Variants in CFAP96 observed in about 807,000 individuals in gnomAD.
CFAP96 encodes the protein cilia and flagella associated protein 96.
the CFAP96 span, chr4:185,444,845 TATC>T: frequency 1.2e-6 from 1 of 856,254 alleles, no homozygotes; most frequent in East Asian, 2.7e-5. Flanking sequence ...AATTAAACAG[TATC>T]ATTTTCTTTA....
At chr4:185,424,701 T>TA in the CFAP96 span, among the ~76,000 whole-genome samples, 5 of 152,120 alleles carry the variant, frequency 3.3e-5, no homozygotes, top group African/African-American at 4.8e-5. Flanking sequence ...CCCATTTAAA[T>TA]AAAAAATATT....
At chr4:185,415,635 C>A in the CFAP96 span, 1 of 1,332,430 alleles carries the variant, frequency 7.5e-7, no homozygotes, top group Non-Finnish European at 1.0e-6. Flanking sequence ...TTAGGTATAC[C>A]TACAGGATAT....
chr4:185,426,219 A>G, the CFAP96 span: 4 of 322,114 alleles, frequency 1.2e-5, no homozygotes, highest in Non-Finnish European at 2.4e-5. Context: ...GGGGCAACAC[A>G]TCACACAATA....
At chr4:185,425,921 G>C in the CFAP96 span, 33 of 1,567,786 alleles carry the variant, frequency 2.1e-5, no homozygotes, top group Non-Finnish European at 2.6e-5. Context: ...AAGTTCCGGG[G>C]GCCGGCCCTG....
chr4:185,415,984 C>G, the CFAP96 span: 1 of 794,942 alleles, frequency 1.3e-6, no homozygotes, highest in Non-Finnish European at 1.9e-6. Context: ...TAAGACTAGC[C>G]AAGTACAGTA....
At chr4:185,428,043 G>A in the CFAP96 span, among the ~76,000 whole-genome samples, 3 of 150,776 alleles carry the variant, frequency 2.0e-5, no homozygotes, top group East Asian at 2.0e-4. Flanking sequence ...CCGAGATCGC[G>A]CTATTGCACT....
At chr4:185,416,977 A>G in the CFAP96 span, among the ~76,000 whole-genome samples, 3 of 152,244 alleles carry the variant, frequency 2.0e-5, no homozygotes, top group Non-Finnish European at 2.9e-5. Context: ...GTGGGTCAAA[A>G]TCTGATGAGG....
At chr4:185,445,911 G>A in the CFAP96 span, among the ~76,000 whole-genome samples, 3 of 151,848 alleles carry the variant, frequency 2.0e-5, no homozygotes, top group South Asian at 2.1e-4. Flanking sequence ...GCGTGATCTC[G>A]GCCCACCATA....
chr4:185,444,879 A>C, the CFAP96 span: 1 of 1,321,158 alleles, frequency 7.6e-7, no homozygotes, highest in South Asian at 1.4e-5. Flanking sequence ...CACAGACTAC[A>C]AAAATATGTA....
chr4:185,424,346 A>G, the CFAP96 span, among the ~76,000 whole-genome samples: 1 of 152,140 alleles, frequency 6.6e-6, no homozygotes, highest in East Asian at 1.9e-4. Flanking sequence ...TGTAAAAGGC[A>G]CTATGCTAAA....
chr4:185,432,487 A>T, the CFAP96 span, among the ~76,000 whole-genome samples: 1 of 152,230 alleles, frequency 6.6e-6, no homozygotes, highest in African/African-American at 2.4e-5. Context: ...AAAACCTTGC[A>T]AAGTCAGATT....
chr4:185,432,712 A>T, the CFAP96 span, among the ~76,000 whole-genome samples: 1 of 152,244 alleles, frequency 6.6e-6, no homozygotes, highest in East Asian at 1.9e-4. Context: ...AAGTTAAAAA[A>T]TTAGCTAGGT....
the CFAP96 span, chr4:185,408,545 G>A: frequency 8.7e-7 from 1 of 1,148,818 alleles, no homozygotes; most frequent in African/African-American, 1.6e-5. Context: ...TGTTACTTTA[G>A]TTCCTTATAA....
chr4:185,433,020 C>A, the CFAP96 span, among the ~76,000 whole-genome samples: 1 of 151,868 alleles, frequency 6.6e-6, no homozygotes, highest in Non-Finnish European at 1.5e-5. Context: ...CCACGCCTGG[C>A]CAGAAATTCT....
the CFAP96 span, among the ~76,000 whole-genome samples, chr4:185,420,195 T>C: frequency 6.6e-6 from 1 of 152,014 alleles, no homozygotes; most frequent in Non-Finnish European, 1.5e-5. Flanking sequence ...TTTTTTTTCC[T>C]CTGTATGGTT....
chr4:185,445,375 T>A, the CFAP96 span: 1 of 813,830 alleles, frequency 1.2e-6, no homozygotes, highest in Non-Finnish European at 2.0e-6. Flanking sequence ...GTGCATAATT[T>A]TTAAAGCAAA....
At chr4:185,422,537 G>A in the CFAP96 span, 1 of 1,610,936 alleles carries the variant, frequency 6.2e-7, no homozygotes, top group African/African-American at 1.3e-5. Context: ...TTATTCTGAA[G>A]AGTATATCCA....
At chr4:185,425,502 G>A in the CFAP96 span, among the ~76,000 whole-genome samples, 5 of 152,278 alleles carry the variant, frequency 3.3e-5, no homozygotes, top group Admixed American at 1.3e-4. Context: ...AGAAACCAGG[G>A]GAGGGAAATA....
At chr4:185,444,463 T>G in the CFAP96 span, among the ~76,000 whole-genome samples, 1 of 152,224 alleles carries the variant, frequency 6.6e-6, no homozygotes, top group African/African-American at 2.4e-5. Context: ...TTGACTTCTC[T>G]TGATAGACTA....
Sources: gnomAD v4.1 joint callset for allele counts (sites outside exome capture counted in the v4.1 genomes callset) on GRCh38, gnomAD v4.1.1 for gene constraint, MANE v1.5 for transcripts, NCBI Gene and HGNC (gene_info 2026-07-23, HGNC 2026-07-21) for gene names.